The following CAMK4 variants were observed in gnomAD, a reference collection of about 807,000 sequenced individuals.
CAMK4 encodes the protein calcium/calmodulin dependent protein kinase IV, also known as calcium/calmodulin-dependent protein kinase type IV.
Under a neutral mutation model 44.9 loss-of-function variants are expected in CAMK4, and 22 were observed. The observed-to-expected ratio is 0.49, with a 90% CI of 0.35 to 0.70. CAMK4 has a LOEUF of 0.70. CAMK4 is among the 30% of genes least tolerant of loss of function. The pLI, the probability that CAMK4 is intolerant of heterozygous loss-of-function variation, is 0.01. For missense variants in CAMK4, 498 were observed against 586.8 expected (o/e 0.85, Z 1.56); for synonymous variants, 218 against 215.4 (o/e 1.01, Z -0.11).
intron 1 of CAMK4, among the ~76,000 whole-genome samples, chr5:111,328,368 A>G (rs1223192780): frequency 2.0e-5 from 3 of 151,500 alleles, no homozygotes; most frequent in African/African-American, 4.8e-5. Context: ...CCATTGGTCT[A>G]TATCTCTGTT....
chr5:111,258,391 A>T (rs1309708335), intron 1 of CAMK4, among the ~76,000 whole-genome samples: 1 of 152,128 alleles, frequency 6.6e-6, no homozygotes, highest in Non-Finnish European at 1.5e-5. Context: ...ATAAAGACAC[A>T]CCCAAAACTG....
chr5:111,352,473 T>C (rs1378687689), intron 2 of CAMK4, among the ~76,000 whole-genome samples: 2 of 152,060 alleles, frequency 1.3e-5, no homozygotes, highest in African/African-American at 4.8e-5. Flanking sequence ...TTTTTACTAC[T>C]ATGTTAGTTT....
intron 8 of CAMK4, among the ~76,000 whole-genome samples, chr5:111,477,164 G>A (rs561715534): frequency 3.3e-5 from 5 of 152,260 alleles, no homozygotes; most frequent in South Asian, 2.1e-4. Context: ...GGTCAGGAGC[G>A]GGATTCTCTG....
At chr5:111,275,123 C>T (rs926437008) in intron 1 of CAMK4, among the ~76,000 whole-genome samples, 2 of 152,100 alleles carry the variant, frequency 1.3e-5, no homozygotes, top group African/African-American at 4.8e-5. Context: ...CTTATCAGTT[C>T]TTTCTTGTGA....
At chr5:111,241,201 T>C (rs1364268415) in intron 1 of CAMK4, among the ~76,000 whole-genome samples, 3 of 152,112 alleles carry the variant, frequency 2.0e-5, no homozygotes, top group Non-Finnish European at 4.4e-5. Context: ...ATGTCCTCTT[T>C]CTCTTCTAGG....
chr5:111,254,337 C>G (rs920125109), intron 1 of CAMK4, among the ~76,000 whole-genome samples: 11 of 152,298 alleles, frequency 7.2e-5, no homozygotes, highest in Non-Finnish European at 8.8e-5. Context: ...CTCTGGGAGG[C>G]TGGCAGAGAT....
intron 4 of CAMK4, among the ~76,000 whole-genome samples, chr5:111,384,123 T>C (rs1199232263): frequency 1.3e-5 from 2 of 152,158 alleles, no homozygotes; most frequent in Non-Finnish European, 2.9e-5. Flanking sequence ...AATAGGGCAC[T>C]TGAAGAAGGA....
intron 8 of CAMK4, among the ~76,000 whole-genome samples, chr5:111,477,770 C>T (rs529031438): frequency 6.6e-6 from 1 of 152,224 alleles, no homozygotes; most frequent in South Asian, 2.1e-4. Context: ...AAGGTCATTG[C>T]CTGACAATAG....
At chr5:111,429,380 A>G (rs1753348652) in intron 5 of CAMK4, among the ~76,000 whole-genome samples, 1 of 152,204 alleles carries the variant, frequency 6.6e-6, no homozygotes. Flanking sequence ...ATTGGAATCT[A>G]GAAGAAATGG....
intron 1 of CAMK4, among the ~76,000 whole-genome samples, chr5:111,264,154 TG>T (rs1750123655): frequency 6.6e-6 from 1 of 152,138 alleles, no homozygotes; most frequent in African/African-American, 2.4e-5. Flanking sequence ...TGGTGGGAGT[TG>T]TGGGTGGAGT....
In CAMK4 at chr5:111,436,846, C is replaced by G. The variant is rs528610655; in HGVS notation, c.460-9840C>G. Among the ~76,000 whole-genome samples, 172 of 152,324 alleles carry G rather than the reference C, an allele frequency of 1.1e-3. 1 individual carries two copies. The highest frequency in any genetic ancestry group is 4.0e-3 in the African/African-American group (166 of 41,572). On this transcript the variant is annotated intron_variant, in intron 5 of 10. Coordinates refer to ENST00000282356, the MANE Select transcript of CAMK4 (RefSeq NM_001744.6). ...AGAAAACTAACAGCTGAATTTTCAA[C>G]AGTCTTTCCCCAAACTCCCCTGAGG...
At chr5:111,300,102 A>G (rs1263097699) in intron 1 of CAMK4, among the ~76,000 whole-genome samples, 1 of 152,222 alleles carries the variant, frequency 6.6e-6, no homozygotes, top group East Asian at 1.9e-4. Context: ...GGCTAGAGAA[A>G]ATGACCAGAG....
At position 111,403,421 on chromosome 5, in the gene CAMK4, CTT is replaced by C. The variant is rs1752302823; in HGVS notation, c.459+8642_459+8643del. 1.3e-5 allele frequency among the ~76,000 whole-genome samples: 2 copies of C among 152,066 alleles called. 1 individual carries two copies. The highest frequency in any genetic ancestry group is 4.1e-4 in the South Asian group (2 of 4,830). On this transcript the variant is annotated intron_variant, in intron 5 of 10. Transcript: ENST00000282356. The stretch of plus-strand genomic sequence containing the variant: ...GTATTTTCATTTCTTTCTCTGGAGA[CTT>C]TTGTTTCTTGCTGCTCAGGTTTGAG...
intron 4 of CAMK4, among the ~76,000 whole-genome samples, chr5:111,378,104 A>G (rs1228920916): frequency 6.6e-6 from 1 of 152,058 alleles, no homozygotes; most frequent in Non-Finnish European, 1.5e-5. Context: ...TTGGGAGGTC[A>G]TTAGGTCATA....
At chr5:111,430,351 G>A (rs1391213456) in intron 5 of CAMK4, among the ~76,000 whole-genome samples, 1 of 152,178 alleles carries the variant, frequency 6.6e-6, no homozygotes, top group Non-Finnish European at 1.5e-5. Context: ...CCCACAGCTA[G>A]TATTATACTG....
chr5:111,418,693 T>C (rs1050598075), intron 5 of CAMK4, among the ~76,000 whole-genome samples: 5 of 149,852 alleles, frequency 3.3e-5, no homozygotes, highest in Non-Finnish European at 5.9e-5. Context: ...ACATGCGGTG[T>C]TTGGTTTTTT....
intron 4 of CAMK4, among the ~76,000 whole-genome samples, chr5:111,378,893 T>A (rs1455861800): frequency 1.5e-5 from 2 of 129,278 alleles, no homozygotes; most frequent in Non-Finnish European, 3.6e-5. Context: ...AAGATACTCT[T>A]GTTCACATGT....
intron 5 of CAMK4, among the ~76,000 whole-genome samples, chr5:111,396,508 ACTTCAGTT>A (rs1580697919): frequency 6.6e-6 from 1 of 151,674 alleles, no homozygotes; most frequent in Non-Finnish European, 1.5e-5. Flanking sequence ...GACCTTTCCA[ACTTCAGTT>A]GAATCTTTCT....
chr5:111,342,571 T>TTA (rs397728025), intron 1 of CAMK4, among the ~76,000 whole-genome samples: 2 of 151,290 alleles, frequency 1.3e-5, no homozygotes, highest in East Asian at 2.0e-4. Context: ...GATTTTTTTT[T>TTA]ATCCAATCTG....
Sources: gnomAD v4.1 joint callset for allele counts (sites outside exome capture counted in the v4.1 genomes callset) on GRCh38, gnomAD v4.1.1 for gene constraint, MANE v1.5 for transcripts, NCBI Gene and HGNC (gene_info 2026-07-23, HGNC 2026-07-21) for gene names.